Variants in TUNAR observed in about 807,000 individuals in gnomAD.
The protein encoded by TUNAR is transmembrane neural differentiation associated intracellular calcium regulator, also known as protein TUNAR.
At chr14:95,913,481 A>G (rs988539257) in intron 2 of TUNAR, among the ~76,000 whole-genome samples, 1 of 152,142 alleles carries the variant, frequency 6.6e-6, no homozygotes, top group Non-Finnish European at 1.5e-5. Flanking sequence ...GCTGCCAGGT[A>G]ATGCATCAGT....
chr14:95,884,229 C>T (rs1443886146), intron 2 of TUNAR, among the ~76,000 whole-genome samples: 2 of 152,150 alleles, frequency 1.3e-5, no homozygotes, highest in Non-Finnish European at 2.9e-5. Flanking sequence ...GCCCCCTGTG[C>T]CCAATAGTCA....
intron 2 of TUNAR, among the ~76,000 whole-genome samples, chr14:95,905,659 A>C (rs1044871018): frequency 2.6e-5 from 4 of 152,206 alleles, no homozygotes; most frequent in African/African-American, 9.7e-5. Flanking sequence ...TAATTGATAA[A>C]TACCTTGGAG....
chr14:95,919,869 A>T (rs1450898954), intron 2 of TUNAR, among the ~76,000 whole-genome samples: 1 of 152,208 alleles, frequency 6.6e-6, no homozygotes, highest in African/African-American at 2.4e-5. Context: ...TGCTCACTGT[A>T]AAATTCCTTC....
intron 2 of TUNAR, among the ~76,000 whole-genome samples, chr14:95,920,306 G>A (rs1293118613): frequency 6.6e-6 from 1 of 152,148 alleles, no homozygotes; most frequent in Non-Finnish European, 1.5e-5. Flanking sequence ...GGTGCTGGAA[G>A]GCTCTGTTTC....
At chr14:95,889,335 C>T (rs1889130481) in intron 2 of TUNAR, among the ~76,000 whole-genome samples, 1 of 152,164 alleles carries the variant, frequency 6.6e-6, no homozygotes, top group African/African-American at 2.4e-5. Context: ...TTTCTTCTAC[C>T]CAGAAGTTCA....
chr14:95,915,805 G>A (rs1386168281), intron 2 of TUNAR, among the ~76,000 whole-genome samples: 1 of 152,212 alleles, frequency 6.6e-6, no homozygotes, highest in Non-Finnish European at 1.5e-5. Context: ...TGTGCTCATC[G>A]GAAGCAGCCC....
chr14:95,908,679 C>A (rs1889464100), intron 2 of TUNAR, among the ~76,000 whole-genome samples: 1 of 152,198 alleles, frequency 6.6e-6, no homozygotes, highest in South Asian at 2.1e-4. Flanking sequence ...AATCAGTTTT[C>A]TCAGATTATG....
At chr14:95,893,150 G>C (rs771873647) in intron 2 of TUNAR, among the ~76,000 whole-genome samples, 1 of 152,132 alleles carries the variant, frequency 6.6e-6, no homozygotes, top group African/African-American at 2.4e-5. Context: ...AGAGAGTTTC[G>C]TGAGGGTCCC....
intron 2 of TUNAR, among the ~76,000 whole-genome samples, chr14:95,896,405 A>T (rs111810907): frequency 3.9e-5 from 6 of 152,130 alleles, no homozygotes; most frequent in Non-Finnish European, 8.8e-5. Context: ...CCCACTGGAG[A>T]CTTCATTTGT....
chr14:95,896,137 C>T (rs531105668), intron 2 of TUNAR, among the ~76,000 whole-genome samples: 13 of 152,192 alleles, frequency 8.5e-5, no homozygotes, highest in Non-Finnish European at 1.8e-4. Context: ...CCGGCCTTCT[C>T]GCTGGCCCCA....
chr14:95,923,587 A>T (rs1352974058), exon 3 of TUNAR: 2 of 152,212 alleles, frequency 1.3e-5, no homozygotes, highest in African/African-American at 2.4e-5. Flanking sequence ...AAATACTTGG[A>T]GAGGCACTCC....
rs369021712 is a variant in TUNAR at position 95,910,784 on chromosome 14, T to C, written c.13-11997T>C. The stretch of plus-strand genomic sequence containing the variant: ...TGGAGGAGCTTGTCCTTTGGAAAAC[T>C]CTTGCCCAGCCCCTGACGAAGACCT... On this transcript the variant is annotated intron_variant, in intron 2 of 2. Transcript: ENST00000678517. Among the ~76,000 whole-genome samples, 10 of 152,314 alleles carry C rather than the reference T, an allele frequency of 6.6e-5. 1 individual carries two copies. Among genetic ancestry groups the C allele is most frequent in the African/African-American group, 2.2e-4 (9 of 41,584 alleles).
chr14:95,913,281 T>G (rs913427116), intron 2 of TUNAR, among the ~76,000 whole-genome samples: 3 of 152,072 alleles, frequency 2.0e-5, no homozygotes, highest in African/African-American at 7.2e-5. Context: ...AAGCCCCGCA[T>G]GCATTGGGTA....
At chr14:95,917,767 A>G (rs1301068406) in intron 2 of TUNAR, among the ~76,000 whole-genome samples, 4 of 152,234 alleles carry the variant, frequency 2.6e-5, no homozygotes, top group African/African-American at 9.6e-5. Flanking sequence ...ACTATCACAA[A>G]TACTGTTTTT....
At chr14:95,912,883 C>T (rs1440195883) in intron 2 of TUNAR, among the ~76,000 whole-genome samples, 1 of 152,084 alleles carries the variant, frequency 6.6e-6, no homozygotes, top group African/African-American at 2.4e-5. Flanking sequence ...CTCCATCTCC[C>T]AGGTTGACGC....
intron 2 of TUNAR, among the ~76,000 whole-genome samples, chr14:95,898,504 C>T (rs1333508648): frequency 6.6e-6 from 1 of 152,194 alleles, no homozygotes; most frequent in Non-Finnish European, 1.5e-5. Flanking sequence ...GAGCCTCTTA[C>T]TTGTCAGCTC....
exon 3 of TUNAR, chr14:95,922,951 A>G (rs1319823257): frequency 2.5e-6 from 1 of 399,064 alleles, no homozygotes. Context: ...TTGTCTACAT[A>G]TACACCACCC....
At chr14:95,896,249 C>A (rs751131582) in intron 2 of TUNAR, among the ~76,000 whole-genome samples, 24 of 152,318 alleles carry the variant, frequency 1.6e-4, no homozygotes, top group African/African-American at 5.1e-4. Context: ...AGAGTCCGGT[C>A]TTCTAGAAGG....
At chr14:95,913,256 C>T (rs779749909) in intron 2 of TUNAR, among the ~76,000 whole-genome samples, 3 of 151,500 alleles carry the variant, frequency 2.0e-5, no homozygotes, top group African/African-American at 4.9e-5. Flanking sequence ...ATCAACCCAT[C>T]ATCATCTAGG....
Sources: gnomAD v4.1 joint callset for allele counts (sites outside exome capture counted in the v4.1 genomes callset) on GRCh38, gnomAD v4.1.1 for gene constraint, MANE v1.5 for transcripts, NCBI Gene and HGNC (gene_info 2026-07-23, HGNC 2026-07-21) for gene names.